The following TPTE2 variants were observed in gnomAD, a reference collection of about 807,000 sequenced individuals.
TPTE2 encodes phosphatidylinositol 3,4,5-trisphosphate 3-phosphatase TPTE2.
TPTE2 carries 53 observed loss-of-function variants against 78.6 expected under a neutral mutation model. The ratio of observed to expected loss-of-function variants is 0.67; its 90% confidence interval spans 0.54 to 0.85. TPTE2 has a LOEUF of 0.85. TPTE2 is among the 40% of genes least tolerant of loss of function. TPTE2 has a pLI of 0.00. For synonymous variants in TPTE2, 175 were observed against 206.2 expected, an observed-to-expected ratio of 0.85 and a Z score of 1.30; for missense variants, 461 against 623.0, an observed-to-expected ratio of 0.74 and a Z score of 2.77.
upstream of TPTE2, among the ~76,000 whole-genome samples, chr13:19,507,304 T>TAAAAAAAAAAAAAAA (rs370011146): frequency 8.9e-6 from 1 of 112,196 alleles, no homozygotes. Context: ...CTAGCTGTTC[T>TAAAAAAAAAAAAAAA]AAAAAAAAAA....
chr13:19,475,213 G>C (rs2137592570), intron 5 of TPTE2, among the ~76,000 whole-genome samples: 1 of 151,968 alleles, frequency 6.6e-6, no homozygotes, highest in Admixed American at 6.6e-5. Context: ...ATGCATATGA[G>C]ACTCATATAT....
upstream of TPTE2, among the ~76,000 whole-genome samples, chr13:19,538,189 C>T (rs936809503): frequency 6.6e-6 from 1 of 152,094 alleles, no homozygotes; most frequent in African/African-American, 2.4e-5. Flanking sequence ...TACACCAGAG[C>T]CATAAAGATA....
At chr13:19,435,481 C>T (rs1593350311) in intron 15 of TPTE2, among the ~76,000 whole-genome samples, 1 of 151,980 alleles carries the variant, frequency 6.6e-6, no homozygotes, top group East Asian at 1.9e-4. Flanking sequence ...ACGTGGCTGG[C>T]GCCGGCTGAA....
rs1467585331 is a variant in TPTE2 at position 19,535,738 on chromosome 13, T to C, written c.-44+858A>G. On this transcript the variant is annotated intron_variant, in intron 1 of 17. Transcript: ENST00000390680. The surrounding 1 kb of genome is among the most constrained non-coding windows in gnomAD (Gnocchi z 5.1). ...CTTCCACCTACCAGGTTCAAGTGATTCTCCTGCCTCAGCCTCCCAAGTAGC... is the reference window on the plus strand; with the variant it reads ...CTTCCACCTACCAGGTTCAAGTGATCCTCCTGCCTCAGCCTCCCAAGTAGC... Among the ~76,000 whole-genome samples, 1 of 152,118 alleles carries C rather than the reference T, an allele frequency of 6.6e-6. No individual in the cohort carries two copies. Among genetic ancestry groups the C allele is most frequent in the Non-Finnish European group, 1.5e-5 (1 of 68,024 alleles).
At chr13:19,512,195 G>A (rs1306917394) in intron 1 of TPTE2, among the ~76,000 whole-genome samples, 2 of 152,144 alleles carry the variant, frequency 1.3e-5, no homozygotes, top group Non-Finnish European at 2.9e-5. Flanking sequence ...ATTATTTCCT[G>A]TCATCTCATA....
upstream of TPTE2, among the ~76,000 whole-genome samples, chr13:19,540,278 C>CTTATTA (rs1330265428): frequency 4.3e-5 from 4 of 92,764 alleles, no homozygotes; most frequent in African/African-American, 6.8e-5. Flanking sequence ...CCAATTAAAT[C>CTTATTA]TCATTATTAT....
At chr13:19,427,679 C>T (rs1380019934) in intron 17 of TPTE2, among the ~76,000 whole-genome samples, 1 of 152,150 alleles carries the variant, frequency 6.6e-6, no homozygotes, top group Non-Finnish European at 1.5e-5. Flanking sequence ...GGTCCCCCTG[C>T]TCATCATGTT....
chr13:19,513,755 T>C (rs751668632), intron 1 of TPTE2, among the ~76,000 whole-genome samples: 3 of 152,190 alleles, frequency 2.0e-5, no homozygotes, highest in Non-Finnish European at 4.4e-5. Flanking sequence ...GAATCAGGAT[T>C]TAAATACAAT....
upstream of TPTE2, among the ~76,000 whole-genome samples, chr13:19,537,433 T>A (rs796437410): frequency 1.3e-5 from 2 of 151,414 alleles, no homozygotes; most frequent in South Asian, 2.1e-4. Context: ...GGGTTTCACC[T>A]TGTTAGCCAG....
chr13:19,443,395 TTC>T (rs1179984673), intron 13 of TPTE2, among the ~76,000 whole-genome samples: 3 of 72,246 alleles, frequency 4.2e-5, no homozygotes, highest in Admixed American at 3.3e-4. Flanking sequence ...CTTTCTTTCT[TTC>T]TTTTTTTTTT....
At chr13:19,538,570 C>A (rs1871341518), upstream of TPTE2, among the ~76,000 whole-genome samples, 1 of 151,482 alleles carries the variant, frequency 6.6e-6, no homozygotes, top group African/African-American at 2.4e-5. Context: ...CCTCTGTTGC[C>A]CAGGATGGAG....
intron 1 of TPTE2, among the ~76,000 whole-genome samples, chr13:19,521,139 C>A (rs1870120005): frequency 1.3e-5 from 2 of 151,886 alleles, no homozygotes; most frequent in Non-Finnish European, 2.9e-5. Flanking sequence ...TCAAGTCTTA[C>A]ATTTTCTTAT....
At chr13:19,553,545 A>G in the TPTE2 span, among the ~76,000 whole-genome samples, 1 of 152,152 alleles carries the variant, frequency 6.6e-6, no homozygotes, top group Non-Finnish European at 1.5e-5. Flanking sequence ...CTGGGAAACA[A>G]CCCAAATGTC....
chr13:19,465,147 C>T, intron 9 of TPTE2, 108 bp downstream of exon 12: 1 of 1,391,288 alleles, frequency 7.2e-7, no homozygotes, highest in Non-Finnish European at 1.0e-6. Flanking sequence ...CATATATTCT[C>T]AAGAATAAAG....
exon 15 of TPTE2, chr13:19,436,294 A>C: frequency 6.2e-7 from 1 of 1,613,124 alleles, no homozygotes; most frequent in East Asian, 2.2e-5. Flanking sequence ...TCTCCAAAAT[A>C]ATATAGGCTT....
At chr13:19,525,749 C>T (rs892270680) in intron 1 of TPTE2, among the ~76,000 whole-genome samples, 4 of 152,040 alleles carry the variant, frequency 2.6e-5, no homozygotes, top group African/African-American at 9.7e-5. Context: ...ACAGATTGAA[C>T]AGACAGCCTA....
At chr13:19,434,461 C>T (rs868417932) in intron 15 of TPTE2, among the ~76,000 whole-genome samples, 22 of 152,102 alleles carry the variant, frequency 1.4e-4, no homozygotes, top group Non-Finnish European at 2.6e-4. Flanking sequence ...CAGGTTGAAA[C>T]GTTTAGTTTA....
chr13:19,498,439 C>T (rs1214396999), intron 1 of TPTE2, among the ~76,000 whole-genome samples: 1 of 151,532 alleles, frequency 6.6e-6, no homozygotes, highest in Non-Finnish European at 1.5e-5. Context: ...ATCAGACTAA[C>T]AGCAGATCTC....
chr13:19,536,142 A>C (rs1459065394), intron 1 of TPTE2, among the ~76,000 whole-genome samples: 1 of 151,842 alleles, frequency 6.6e-6, no homozygotes, highest in Non-Finnish European at 1.5e-5. Flanking sequence ...ATTCTAGATA[A>C]CATGCTCTTT....
Sources: gnomAD v4.1 joint callset for allele counts (sites outside exome capture counted in the v4.1 genomes callset) on GRCh38, gnomAD v4.1.1 for gene constraint, Gnocchi (gnomAD v3.1) non-coding constraint, MANE v1.5 for transcripts, NCBI Gene and HGNC (gene_info 2026-07-23, HGNC 2026-07-21) for gene names.